AGPAT3: variants seen among roughly 807,000 people sequenced by gnomAD.
AGPAT3 encodes the protein 1-acylglycerol-3-phosphate O-acyltransferase 3, also known as 1-acyl-sn-glycerol-3-phosphate acyltransferase gamma.
A neutral mutation model predicts 47.3 loss-of-function variants in AGPAT3; 5 were observed. The ratio of observed to expected loss-of-function variants is 0.11; its 90% CI spans 0.06 to 0.22. The LOEUF is 0.22. Among genes scored for constraint, AGPAT3 ranks in the 10% least tolerant of loss-of-function variants. AGPAT3 has a pLI of 1.00. For synonymous variants in AGPAT3, 212 were observed against 208.3 expected (o/e 1.02, Z -0.15); for missense variants, 315 against 493.0 (o/e 0.64, Z 3.42).
chr21:43,892,518 C>T (rs942915131), intron 1 of AGPAT3, among the ~76,000 whole-genome samples: 1 of 152,144 alleles, frequency 6.6e-6, no homozygotes, highest in African/African-American at 2.4e-5. Flanking sequence ...TTAAAATATT[C>T]AGTAAACCAT....
intron 2 of AGPAT3, among the ~76,000 whole-genome samples, chr21:43,944,002 G>T (rs550617941): frequency 1.6e-4 from 25 of 152,338 alleles, no homozygotes; most frequent in African/African-American, 5.3e-4. Flanking sequence ...GCCTCGGGAA[G>T]CAAGGGTCCC....
intron 2 of AGPAT3, among the ~76,000 whole-genome samples, chr21:43,914,090 G>A (rs140610032): frequency 6.6e-6 from 1 of 152,280 alleles, no homozygotes; most frequent in African/African-American, 2.4e-5. Flanking sequence ...ACGTCTCTCT[G>A]CCTCTGCAGG....
intron 1 of AGPAT3, among the ~76,000 whole-genome samples, chr21:43,898,301 C>T (rs1018538776): frequency 4.6e-5 from 7 of 152,096 alleles, no homozygotes; most frequent in African/African-American, 1.5e-4. Context: ...TCCTTTCCTT[C>T]TCCTTTCTTG....
Position 43,954,251 on chromosome 21 carries a change from T to TCTGCCTG in AGPAT3, c.-48-5377_-48-5371dup. Among the ~76,000 whole-genome samples the TCTGCCTG allele has an allele frequency of 6.6e-6, 1 of 152,198 alleles. No individual in the cohort carries two copies. Among genetic ancestry groups the TCTGCCTG allele is most frequent in the Non-Finnish European group, 1.5e-5 (1 of 68,034 alleles). ...CCCTTCTGCAGGGAGGGAGGTGGCC[T>TCTGCCTG]CTGCCTGCTGCCATTGGAGGTTTGT... On this transcript the variant is annotated intron_variant, in intron 2 of 9. Transcript: ENST00000291572. The surrounding 1 kb of genome is among the most constrained non-coding windows in gnomAD (Gnocchi z 4.0).
intron 2 of AGPAT3, among the ~76,000 whole-genome samples, chr21:43,958,903 TGGG>T (rs1338297695): frequency 5.1e-5 from 7 of 137,112 alleles, no homozygotes; most frequent in South Asian, 2.5e-4. Context: ...GTGTGGGTGG[TGGG>T]GTGGTGTGTG....
chr21:43,867,636 T>G (rs1274178558), intron 1 of AGPAT3: 1 of 152,354 alleles, frequency 6.6e-6, no homozygotes, highest in African/African-American at 2.4e-5. Flanking sequence ...GCCCCCCCTC[T>G]CTGGCCTTGT....
Position 43,985,487 on chromosome 21 carries a change from A to G in AGPAT3, c.*3095A>G, listed in dbSNP as rs2030192218. On this transcript the variant is annotated 3_prime_UTR_variant, in exon 10 of 10. Transcript: ENST00000291572. The stretch of plus-strand genomic sequence containing the variant: ...TCCCTTTCGCGCACCGTGGCATGAG[A>G]ATCTTTCCTCACGCTGTTCGTTGCG... 2 of 318,284 alleles carry G rather than the reference A, an allele frequency of 6.3e-6. No homozygotes were observed. Among genetic ancestry groups the G allele is most frequent in the Non-Finnish European group, 1.2e-5 (2 of 163,670 alleles). The allele number at this position is 318,284 out of a possible 1,614,324, so 19.7% of individuals were successfully genotyped here. A position where few individuals can be genotyped will look rare whatever the true frequency, so the allele number is the denominator to read the frequency against.
chr21:43,909,592 G>C (rs555410847), intron 2 of AGPAT3, among the ~76,000 whole-genome samples: 2 of 152,216 alleles, frequency 1.3e-5, no homozygotes, highest in African/African-American at 4.8e-5. Flanking sequence ...CACTGTACCC[G>C]GCCTTTTCAT....
Position 43,959,507 on chromosome 21 carries a change from G to T in AGPAT3, c.-48-127G>T, listed in dbSNP as rs143219354. On this transcript the variant is annotated intron_variant, in intron 2 of 9. Transcript: ENST00000291572. ...GTGTGGCACGTGTGTGGGGTTTGCA[G>T]TGTGCTGTGCAGCATGTGTGTATAA... 290 of 792,788 alleles carry T rather than the reference G, an allele frequency of 3.7e-4. 2 individuals carry two copies. Among genetic ancestry groups the T allele is most frequent in the Admixed American group, 3.3e-4 (15 of 44,892 alleles). The allele number at this position is 792,788 out of a possible 1,614,324, so 49.1% of individuals were successfully genotyped here.
rs149199078 is a variant in AGPAT3 at position 43,969,745 on chromosome 21, T to C, written c.510+466T>C. Among the ~76,000 whole-genome samples the C allele has an allele frequency of 8.8e-3, 1,339 of 152,290 alleles. 24 individuals carry two copies. Among genetic ancestry groups the C allele is most frequent in the African/African-American group, 0.031 (1,274 of 41,554 alleles). On this transcript the variant is annotated intron_variant, in intron 5 of 9. Transcript: ENST00000291572. ...CGGAGTCTCGCTCTGTCGCCCAGGC[T>C]GGAGTGCAGTGGTGCAATCTCGGGT...
At chr21:43,866,399 C>T (rs971985505) in intron 1 of AGPAT3, among the ~76,000 whole-genome samples, 20 of 148,688 alleles carry the variant, frequency 1.3e-4, no homozygotes, top group Middle Eastern at 6.9e-3. Flanking sequence ...GTGGGGCGGG[C>T]GGCGGGCCCA....
intron 1 of AGPAT3, among the ~76,000 whole-genome samples, chr21:43,885,695 T>C (rs957977570): frequency 3.3e-5 from 5 of 152,186 alleles, no homozygotes; most frequent in African/African-American, 1.2e-4. Flanking sequence ...CAGTTTCTTA[T>C]ATAAGCTGAT....
At chr21:43,904,398 G>A (rs556643695) in intron 2 of AGPAT3, among the ~76,000 whole-genome samples, 6 of 152,308 alleles carry the variant, frequency 3.9e-5, no homozygotes, top group Admixed American at 2.0e-4. Context: ...AGCCCAGGAA[G>A]TCCACCCCTC....
At chr21:43,923,425 G>A (rs367763168) in intron 2 of AGPAT3, among the ~76,000 whole-genome samples, 2 of 152,192 alleles carry the variant, frequency 1.3e-5, no homozygotes, top group Non-Finnish European at 2.9e-5. Context: ...CACTTCTGCC[G>A]TGAGATGCGT....
At chr21:43,979,972 C>T (rs1206793628) in intron 8 of AGPAT3, among the ~76,000 whole-genome samples, 2 of 152,128 alleles carry the variant, frequency 1.3e-5, no homozygotes, top group Non-Finnish European at 2.9e-5. Context: ...TGATAACAGT[C>T]TCCAACCATC....
At chr21:43,961,999 T>C (rs796501355) in intron 3 of AGPAT3, among the ~76,000 whole-genome samples, 6 of 148,628 alleles carry the variant, frequency 4.0e-5, no homozygotes, top group African/African-American at 1.6e-4. Flanking sequence ...GGTTTGTTTT[T>C]TCTCTTTTTT....
chr21:43,968,862 G>A (rs1403225545), intron 4 of AGPAT3, among the ~76,000 whole-genome samples: 1 of 152,144 alleles, frequency 6.6e-6, no homozygotes, highest in Non-Finnish European at 1.5e-5. Flanking sequence ...CCGGAAGCCT[G>A]GCAGCCTCTG....
At position 43,884,875 on chromosome 21, in the gene AGPAT3, T is replaced by C. The variant is rs565663163; in HGVS notation, c.-111-19082T>C. ...AGGTCAGCATATTGCAAAGCACACGTTGGGCTGCTGCTTGTGTAATTGTCT... is the reference window on the plus strand; with the variant it reads ...AGGTCAGCATATTGCAAAGCACACGCTGGGCTGCTGCTTGTGTAATTGTCT... On this transcript the variant is annotated intron_variant, in intron 1 of 9. Coordinates refer to ENST00000291572, the MANE Select transcript of AGPAT3 (RefSeq NM_020132.5). 5.9e-5 allele frequency among the ~76,000 whole-genome samples: 9 copies of C among 152,294 alleles called. No homozygotes were observed. The East Asian group carries it at 1.7e-3, about 29-fold the overall frequency.
chr21:43,935,644 G>T lies in AGPAT3; in HGVS notation c.-48-23990G>T, dbSNP rs377244713. Among the ~76,000 whole-genome samples the T allele has an allele frequency of 2.0e-5, 3 of 152,350 alleles. No individual in the cohort carries two copies. The East Asian group carries it at 5.8e-4, about 29-fold the overall frequency. ...GGGGCATTCTGGGGCCTCAGGGCTG[G>T]GTCTGCCTGGCATTTGGGGAGTCTG... On this transcript the variant is annotated intron_variant, in intron 2 of 9. Coordinates refer to ENST00000291572, the MANE Select transcript of AGPAT3 (RefSeq NM_020132.5).
Sources: allele counts gnomAD v4.1 joint callset (sites outside exome capture counted in the v4.1 genomes callset), GRCh38; gene constraint gnomAD v4.1.1; non-coding constraint Gnocchi (gnomAD v3.1); transcripts MANE v1.5; gene names NCBI Gene and HGNC (gene_info 2026-07-23, HGNC 2026-07-21).